Variants in NRG3 observed in about 807,000 individuals in gnomAD.
NRG3 encodes neuregulin 3.
NRG3 carries 31 observed loss-of-function variants against 66.9 expected under a neutral mutation model. The observed-to-expected ratio is 0.46, with a 90% CI of 0.35 to 0.63. The LOEUF (loss-of-function observed/expected upper bound fraction) is 0.63, where lower values mean the gene tolerates loss of function less well. Among genes scored for constraint, NRG3 ranks in the 20% least tolerant of loss-of-function variants. NRG3 has a pLI of 0.00. For synonymous variants in NRG3, 393 were observed against 359.4 expected, an observed-to-expected ratio of 1.09 and a Z score of -1.06; for missense variants, 910 against 878.9, an observed-to-expected ratio of 1.04 and a Z score of -0.45.
At chr10:82,787,542 T>C (rs1175671285) in intron 3 of NRG3, among the ~76,000 whole-genome samples, 1 of 152,194 alleles carries the variant, frequency 6.6e-6, no homozygotes, top group Non-Finnish European at 1.5e-5. Context: ...AGGTATTTCA[T>C]GGAGACAGGC....
intron 4 of NRG3, among the ~76,000 whole-genome samples, chr10:82,931,595 G>A (rs1019595044): frequency 5.3e-5 from 8 of 152,110 alleles, no homozygotes; most frequent in East Asian, 1.9e-4. Flanking sequence ...CTGAAACTTC[G>A]TTCATTGCAT....
chr10:82,881,811 A>G (rs1842328160), intron 4 of NRG3, among the ~76,000 whole-genome samples: 1 of 152,196 alleles, frequency 6.6e-6, no homozygotes, highest in African/African-American at 2.4e-5. Context: ...GCATTTCTTG[A>G]CATACAGGCA....
chr10:82,975,824 T>C (rs1299703650), intron 7 of NRG3, among the ~76,000 whole-genome samples: 1 of 152,200 alleles, frequency 6.6e-6, no homozygotes, highest in Non-Finnish European at 1.5e-5. Context: ...TAGTTCATAC[T>C]GATATACTTT....
At chr10:82,807,642 G>T (rs923654226) in intron 3 of NRG3, among the ~76,000 whole-genome samples, 1 of 152,154 alleles carries the variant, frequency 6.6e-6, no homozygotes, top group Non-Finnish European at 1.5e-5. Context: ...AATCTCAAGT[G>T]CCACCCCAAA....
At chr10:82,702,237 T>A (rs550943691) in intron 2 of NRG3, among the ~76,000 whole-genome samples, 1 of 152,188 alleles carries the variant, frequency 6.6e-6, no homozygotes, top group African/African-American at 2.4e-5. Flanking sequence ...CTATAACAGC[T>A]GCATTCGCTT....
chr10:82,350,603 G>C (rs918548189), intron 1 of NRG3, among the ~76,000 whole-genome samples: 2 of 152,146 alleles, frequency 1.3e-5, no homozygotes, highest in Non-Finnish European at 2.9e-5. Flanking sequence ...GAAACAATTA[G>C]AAATTATTTG....
At chr10:82,138,133 T>G (rs899588747) in intron 1 of NRG3, among the ~76,000 whole-genome samples, 7 of 152,182 alleles carry the variant, frequency 4.6e-5, no homozygotes, top group African/African-American at 1.7e-4. Context: ...TGATTTTCCT[T>G]AATTCAAATA....
chr10:82,417,486 G>A (rs867703936), intron 2 of NRG3, among the ~76,000 whole-genome samples: 2 of 152,230 alleles, frequency 1.3e-5, no homozygotes, highest in African/African-American at 4.8e-5. Context: ...GTAGGGCACA[G>A]TGAACAGTGT....
chr10:82,192,948 G>A (rs1470060557), intron 1 of NRG3, among the ~76,000 whole-genome samples: 4 of 148,142 alleles, frequency 2.7e-5, no homozygotes, highest in Non-Finnish European at 4.5e-5. Context: ...GGTTGTTCAA[G>A]TGGGGGTGGA....
At chr10:82,681,698 T>A (rs545881711) in intron 2 of NRG3, among the ~76,000 whole-genome samples, 2 of 152,214 alleles carry the variant, frequency 1.3e-5, no homozygotes, top group African/African-American at 4.8e-5. Flanking sequence ...AATGGTATGT[T>A]CAGAAGTGAA....
chr10:81,915,039 T>A (rs1317113549), intron 1 of NRG3, among the ~76,000 whole-genome samples: 1 of 152,202 alleles, frequency 6.6e-6, no homozygotes, highest in African/African-American at 2.4e-5. Flanking sequence ...TTATCAAAGA[T>A]CACGTGGAGA....
chr10:82,414,899 C>G (rs1016224976), intron 2 of NRG3, among the ~76,000 whole-genome samples: 6 of 152,308 alleles, frequency 3.9e-5, no homozygotes, highest in African/African-American at 1.4e-4. Context: ...TTTCTGAAAA[C>G]CCTCAGTTTT....
chr10:82,962,622 T>G (rs1850770635), intron 6 of NRG3, among the ~76,000 whole-genome samples: 3 of 152,042 alleles, frequency 2.0e-5, no homozygotes, highest in Non-Finnish European at 4.4e-5. Flanking sequence ...GTGGATCACC[T>G]GAGGTCGGGA....
chr10:82,338,576 C>G (rs529385766), intron 1 of NRG3, among the ~76,000 whole-genome samples: 3 of 152,220 alleles, frequency 2.0e-5, no homozygotes, highest in Admixed American at 1.3e-4. Flanking sequence ...ATTAGATGCT[C>G]CATGATAGAT....
At chr10:82,775,664 T>A (rs1199286621) in intron 3 of NRG3, among the ~76,000 whole-genome samples, 2 of 152,144 alleles carry the variant, frequency 1.3e-5, no homozygotes, top group Non-Finnish European at 2.9e-5. Flanking sequence ...TTCTCATTGA[T>A]TTTCTAACTG....
At chr10:82,454,205 G>A (rs1564939439) in intron 2 of NRG3, among the ~76,000 whole-genome samples, 3 of 152,138 alleles carry the variant, frequency 2.0e-5, no homozygotes, top group African/African-American at 7.2e-5. Flanking sequence ...AGCCACAACT[G>A]CCCCACACCC....
intron 1 of NRG3, among the ~76,000 whole-genome samples, chr10:82,345,958 T>C (rs570052492): frequency 6.6e-6 from 1 of 152,336 alleles, no homozygotes; most frequent in Non-Finnish European, 1.5e-5. Flanking sequence ...CTTAAGCAGA[T>C]TTTGGGCTGA....
At chr10:82,421,295 T>G (rs913685264) in intron 2 of NRG3, among the ~76,000 whole-genome samples, 2 of 152,114 alleles carry the variant, frequency 1.3e-5, no homozygotes, top group Admixed American at 1.3e-4. Context: ...GTATGACACA[T>G]GCAGAATTTG....
intron 1 of NRG3, among the ~76,000 whole-genome samples, chr10:81,896,008 A>G (rs1843494058): frequency 6.6e-6 from 1 of 152,110 alleles, no homozygotes; most frequent in Non-Finnish European, 1.5e-5. Context: ...TTGGGAGCTA[A>G]ATTTTATCTT....
Sources: gnomAD v4.1 joint callset for allele counts (sites outside exome capture counted in the v4.1 genomes callset) on GRCh38, gnomAD v4.1.1 for gene constraint, MANE v1.5 for transcripts, NCBI Gene and HGNC (gene_info 2026-07-23, HGNC 2026-07-21) for gene names.